TMPRSS7: variants seen among roughly 807,000 people sequenced by gnomAD.
The protein encoded by TMPRSS7 is transmembrane protease serine 7.
Under a neutral mutation model 95.6 loss-of-function variants are expected in TMPRSS7, and 81 were observed. The observed-to-expected ratio is 0.85, with a 90% CI of 0.71 to 1.02. The LOEUF (loss-of-function observed/expected upper bound fraction) is 1.02, where lower values mean the gene tolerates loss of function less well. TMPRSS7 is among the 50% of genes least tolerant of loss of function. The pLI is 0.00. For missense variants in TMPRSS7, 945 were observed against 955.2 expected, an observed-to-expected ratio of 0.99 and a Z score of 0.14; for synonymous variants, 364 against 337.8, an observed-to-expected ratio of 1.08 and a Z score of -0.85.
chr3:112,066,625 T>G, intron 13 of TMPRSS7, 123 bp downstream of exon 13: 3 of 844,888 alleles, frequency 3.6e-6, no homozygotes, highest in Non-Finnish European at 5.6e-6. Context: ...CTGGAACTTC[T>G]CCAGTTTTAG....
intron 10 of TMPRSS7, among the ~76,000 whole-genome samples, chr3:112,057,893 T>A (rs571757135): frequency 6.6e-6 from 1 of 152,158 alleles, no homozygotes; most frequent in South Asian, 2.1e-4. Context: ...ACCTGGCTAA[T>A]CTTTGTAGTT....
chr3:112,038,162 G>A lies in TMPRSS7; in HGVS notation c.139G>A (p.Gly47Arg), dbSNP rs1576093666. The change falls in exon 2 of 18, where the codon GGA becomes AGA. Residue 47 changes from glycine (G) to arginine (R), a missense_variant. Gly to Arg is a moderately radical substitution (Grantham distance 125). Transcript: ENST00000452346. ...GCCAGGGAGACGACTACCATTGCCAGGAAGACGACCACCACAAAGACCCAT... is the reference window on the plus strand; with the variant it reads ...GCCAGGGAGACGACTACCATTGCCAAGAAGACGACCACCACAAAGACCCAT... 1.7e-5 allele frequency: 12 copies of A among 702,796 alleles called. No homozygotes were observed. In the East Asian group the frequency reaches 3.2e-4, roughly 19 times the overall value. The allele number at this position is 702,796 out of a possible 1,614,324, so 43.5% of individuals were successfully genotyped here. A position where few individuals can be genotyped will look rare whatever the true frequency, so the allele number is the denominator to read the frequency against.
intron 15 of TMPRSS7, 56 bp from the exon 16 acceptor site, chr3:112,076,820 A>C: frequency 6.3e-7 from 1 of 1,575,240 alleles, no homozygotes; most frequent in Non-Finnish European, 8.6e-7. Flanking sequence ...GCTTGTTTGC[A>C]AACTGTATGT....
intron 9 of TMPRSS7, among the ~76,000 whole-genome samples, chr3:112,054,008 G>A (rs2073398594): frequency 6.6e-6 from 1 of 152,192 alleles, no homozygotes; most frequent in Non-Finnish European, 1.5e-5. Flanking sequence ...CCAGGCATAA[G>A]CATGGATTTT....
At position 112,049,985 on chromosome 3, in the gene TMPRSS7, C is replaced by T. The variant is rs751403031; in HGVS notation, c.1090+11C>T. On this transcript the variant is annotated intron_variant, in intron 8 of 17. Transcript: ENST00000452346. ...TCATTCCAGAACAAAGTAAGTCTTC[C>T]CCAATTATGGAGAAGTCACTTTTAG... The T allele has an allele frequency of 4.6e-6, 7 of 1,531,720 alleles. No homozygotes were observed. The highest frequency in any genetic ancestry group is 1.4e-5 in the African/African-American group (1 of 72,468). The allele number at this position is 1,531,720 out of a possible 1,614,324, so 94.9% of individuals were successfully genotyped here. A position where few individuals can be genotyped will look rare whatever the true frequency, so the allele number is the denominator to read the frequency against.
chr3:112,065,132 C>T (rs1251016276), intron 12 of TMPRSS7, among the ~76,000 whole-genome samples: 2 of 152,182 alleles, frequency 1.3e-5, no homozygotes, highest in Admixed American at 6.5e-5. Context: ...CGTCGAACTC[C>T]TGGGCTCAAG....
At chr3:112,034,944 A>G (rs983952787) in intron 1 of TMPRSS7, 51 bp downstream of exon 1, 8 of 701,698 alleles carry the variant, frequency 1.1e-5, no homozygotes, top group African/African-American at 8.7e-5. Flanking sequence ...TTTATTGTTG[A>G]CCCTGTTAGT....
intron 2 of TMPRSS7, among the ~76,000 whole-genome samples, chr3:112,038,638 A>T (rs931409241): frequency 1.0e-4 from 8 of 78,896 alleles, no homozygotes; most frequent in African/African-American, 2.4e-4. Context: ...ACCTGGGCTA[A>T]CTGGCTAACT....
intron 12 of TMPRSS7, among the ~76,000 whole-genome samples, chr3:112,064,514 A>G (rs1169955082): frequency 6.6e-6 from 1 of 151,900 alleles, no homozygotes; most frequent in Non-Finnish European, 1.5e-5. Context: ...ATGTATCACT[A>G]ATTTTTAAAA....
chr3:112,036,988 C>A (rs187151284), intron 1 of TMPRSS7, among the ~76,000 whole-genome samples: 2 of 152,234 alleles, frequency 1.3e-5, no homozygotes, highest in Non-Finnish European at 2.9e-5. Flanking sequence ...CTCTTAATCC[C>A]GTCATCTTTG....
intron 1 of TMPRSS7, among the ~76,000 whole-genome samples, chr3:112,037,007 G>A (rs1054411432): frequency 2.0e-5 from 3 of 152,110 alleles, no homozygotes; most frequent in Non-Finnish European, 2.9e-5. Flanking sequence ...TGTAAACTGA[G>A]GATGTATGTA....
chr3:112,038,127 G>A (rs1163722332), exon 2 of TMPRSS7: 6 of 702,442 alleles, frequency 8.5e-6, no homozygotes, highest in East Asian at 2.7e-5. Flanking sequence ...CCAGTGAGAC[G>A]ACCACCGTTG....
chr3:112,073,562 C>T (rs1249837608), intron 13 of TMPRSS7, among the ~76,000 whole-genome samples: 2 of 152,112 alleles, frequency 1.3e-5, no homozygotes, highest in African/African-American at 4.8e-5. Flanking sequence ...TGTTCATATC[C>T]TTTGCCCACT....
chr3:112,063,671 A>G lies in TMPRSS7; in HGVS notation c.1555+39A>G, dbSNP rs371591482. ...ATTTTAATATGACTTTCTTATGAATAAGTAACTTCTCAGGACCATGATTGC... is the reference window on the plus strand; with the variant it reads ...ATTTTAATATGACTTTCTTATGAATGAGTAACTTCTCAGGACCATGATTGC... On this transcript the variant is annotated intron_variant, in intron 12 of 17. Coordinates refer to ENST00000452346, the Ensembl canonical transcript of TMPRSS7. The G allele has an allele frequency of 3.0e-5, 45 of 1,511,350 alleles. No homozygotes were observed. The African/African-American group carries it at 3.2e-4, about 11-fold the overall frequency. The allele number at this position is 1,511,350 out of a possible 1,614,324, so 93.6% of individuals were successfully genotyped here. A position where few individuals can be genotyped will look rare whatever the true frequency, so the allele number is the denominator to read the frequency against.
intron 9 of TMPRSS7, among the ~76,000 whole-genome samples, chr3:112,052,225 A>C (rs74775216): frequency 0.015 from 2,355 of 152,214 alleles, 56 homozygotes; most frequent in African/African-American, 0.054. Context: ...TGATCAGGGA[A>C]AGTCTTGCTG....
chr3:112,036,893 A>C (rs1576092653), intron 1 of TMPRSS7, among the ~76,000 whole-genome samples: 2 of 152,206 alleles, frequency 1.3e-5, no homozygotes, highest in South Asian at 4.1e-4. Flanking sequence ...GCAGTCTCTG[A>C]ACATAAATTG....
At chr3:112,076,481 T>A (rs1291026766) in intron 15 of TMPRSS7, among the ~76,000 whole-genome samples, 1 of 152,222 alleles carries the variant, frequency 6.6e-6, no homozygotes, top group Admixed American at 6.5e-5. Flanking sequence ...ATCATTTGAA[T>A]TTGGTAGTAG....
At chr3:112,046,889 G>A (rs1201501287) in intron 5 of TMPRSS7, 85 bp from the exon 6 acceptor site, 1 of 691,816 alleles carries the variant, frequency 1.4e-6, no homozygotes, top group Non-Finnish European at 2.6e-6. Flanking sequence ...TTTAAAGAAG[G>A]ACTGAAAATA....
intron 10 of TMPRSS7, among the ~76,000 whole-genome samples, chr3:112,061,472 A>C (rs1434830990): frequency 1.3e-5 from 2 of 152,200 alleles, no homozygotes; most frequent in African/African-American, 4.8e-5. Flanking sequence ...CTTACATTAC[A>C]CAGGTTTTCA....
Sources: allele counts gnomAD v4.1 joint callset (sites outside exome capture counted in the v4.1 genomes callset), GRCh38; gene constraint gnomAD v4.1.1; transcripts MANE v1.5; gene names NCBI Gene and HGNC (gene_info 2026-07-23, HGNC 2026-07-21).